Variants in ERC2 observed in about 807,000 individuals in gnomAD.
ERC2 encodes the protein ELKS/RAB6-interacting/CAST family member 2, also known as ERC protein 2.
Under a neutral mutation model 114.8 loss-of-function variants are expected in ERC2, and 42 were observed. The ratio of observed to expected loss-of-function variants is 0.37; its 90% CI spans 0.29 to 0.47. ERC2 has a LOEUF of 0.47. Ranked by LOEUF, ERC2 falls within the 20% of genes least tolerant of loss-of-function variation. The probability of loss-of-function intolerance (pLI) is 0.99; values close to 1 mark genes in which losing one functional copy is unlikely to be tolerated. For synonymous variants in ERC2, 454 were observed against 425.5 expected, an observed-to-expected ratio of 1.07 and a Z score of -0.82; for missense variants, 939 against 1,150.7, an observed-to-expected ratio of 0.82 and a Z score of 2.66.
At chr3:56,415,979 T>A (rs2061137530) in intron 2 of ERC2, among the ~76,000 whole-genome samples, 1 of 152,204 alleles carries the variant, frequency 6.6e-6, no homozygotes. Context: ...CACTCTTAAT[T>A]TTCCTGAAAA....
intron 17 of ERC2, among the ~76,000 whole-genome samples, chr3:55,520,242 C>G (rs1379079661): frequency 1.3e-5 from 2 of 151,688 alleles, no homozygotes; most frequent in Admixed American, 1.3e-4. Flanking sequence ...GGCCTGAGAG[C>G]CTGGCCAACG....
At chr3:55,532,218 C>T (rs1002305085) in intron 17 of ERC2, among the ~76,000 whole-genome samples, 2 of 152,172 alleles carry the variant, frequency 1.3e-5, no homozygotes, top group African/African-American at 2.4e-5. Context: ...GACCTGCATC[C>T]TTGTCCCAGC....
chr3:56,394,076 C>A (rs2060220795), intron 2 of ERC2, among the ~76,000 whole-genome samples: 1 of 152,168 alleles, frequency 6.6e-6, no homozygotes, highest in Non-Finnish European at 1.5e-5. Context: ...ATAAGGGAGG[C>A]ATTCTCATGA....
chr3:55,576,960 T>G (rs72870485), intron 17 of ERC2, among the ~76,000 whole-genome samples: 5,574 of 152,340 alleles, frequency 0.037, 130 homozygotes, highest in South Asian at 0.09. Flanking sequence ...TGCCGTGCTC[T>G]GTCTTAGACA....
At chr3:56,460,345 T>C (rs949216934) in intron 1 of ERC2, among the ~76,000 whole-genome samples, 4 of 152,234 alleles carry the variant, frequency 2.6e-5, no homozygotes, top group Non-Finnish European at 5.9e-5. Context: ...GGATTCAAAC[T>C]CTGGCTCTGC....
chr3:56,346,359 A>C (rs2058306625), intron 2 of ERC2, among the ~76,000 whole-genome samples: 1 of 152,190 alleles, frequency 6.6e-6, no homozygotes. Context: ...AATAATATTT[A>C]TCATATCACA....
At chr3:56,320,078 TG>T (rs1258316212) in intron 2 of ERC2, among the ~76,000 whole-genome samples, 1 of 151,350 alleles carries the variant, frequency 6.6e-6, no homozygotes, top group East Asian at 1.9e-4. Context: ...AAACCAGGAG[TG>T]GTTCAGGAGT....
At chr3:55,950,370 C>A in intron 13 of ERC2, 55 bp downstream of exon 13, 1 of 1,598,800 alleles carries the variant, frequency 6.3e-7, no homozygotes, top group Non-Finnish European at 8.5e-7. Flanking sequence ...GGTGACATTT[C>A]TGAGAGAGTC....
intron 13 of ERC2, among the ~76,000 whole-genome samples, chr3:55,949,476 T>C (rs1374667514): frequency 2.6e-5 from 4 of 152,088 alleles, no homozygotes. Flanking sequence ...CCAGAAGGCA[T>C]GTCTAGGACA....
intron 2 of ERC2, among the ~76,000 whole-genome samples, chr3:56,319,609 G>A (rs1215572144): frequency 2.0e-5 from 3 of 152,034 alleles, no homozygotes; most frequent in Admixed American, 6.6e-5. Context: ...AATTTATGAA[G>A]GGGGTAGATT....
At chr3:55,968,878 T>C (rs1444775814) in intron 12 of ERC2, among the ~76,000 whole-genome samples, 1 of 152,180 alleles carries the variant, frequency 6.6e-6, no homozygotes, top group African/African-American at 2.4e-5. Context: ...TTTAAAAAAA[T>C]ACCAATGGCT....
At chr3:56,015,851 C>T (rs1246741513) in intron 8 of ERC2, among the ~76,000 whole-genome samples, 1 of 152,100 alleles carries the variant, frequency 6.6e-6, no homozygotes, top group Admixed American at 6.6e-5. Context: ...CTTTTTCTGC[C>T]CAGCCTCACC....
intron 7 of ERC2, among the ~76,000 whole-genome samples, chr3:56,033,062 AAGAAAG>A (rs1340288653): frequency 1.4e-5 from 2 of 146,484 alleles, no homozygotes; most frequent in Non-Finnish European, 3.1e-5. Flanking sequence ...GAAAGAAAGA[AAGAAAG>A]AAAGAAAGAA....
Position 55,536,380 on chromosome 3 carries a change from C to T in ERC2, c.*40-25104G>A, listed in dbSNP as rs573661251. On this transcript the variant is annotated intron_variant, in intron 17 of 17. Coordinates refer to ENST00000288221, the MANE Select transcript of ERC2 (RefSeq NM_015576.3). ...CTCCCCAACCCTGAGACTTCCCAGA[C>T]GTAGCTGTGCGGTCCTCCCAGCTGG... Among the ~76,000 whole-genome samples the T allele has an allele frequency of 1.1e-4, 16 of 152,296 alleles. No individual in the cohort carries two copies. The South Asian group carries it at 2.9e-3, about 28-fold the overall frequency.
chr3:56,133,773 A>T (rs935175042), intron 6 of ERC2, among the ~76,000 whole-genome samples: 2 of 152,248 alleles, frequency 1.3e-5, no homozygotes, highest in African/African-American at 4.8e-5. Flanking sequence ...ATAAAATTAC[A>T]TTTAAAAGGC....
At chr3:56,400,396 T>A (rs1053694584) in intron 2 of ERC2, among the ~76,000 whole-genome samples, 6 of 152,172 alleles carry the variant, frequency 3.9e-5, no homozygotes, top group African/African-American at 1.2e-4. Flanking sequence ...ATTTTTCTAG[T>A]ACATGCCAAA....
At chr3:55,598,837 G>A (rs1378604658) in intron 17 of ERC2, among the ~76,000 whole-genome samples, 2 of 152,194 alleles carry the variant, frequency 1.3e-5, no homozygotes, top group Non-Finnish European at 2.9e-5. Flanking sequence ...GATTGTCTGG[G>A]GAACATTCTT....
intron 4 of ERC2, among the ~76,000 whole-genome samples, chr3:56,163,069 T>C (rs2082138966): frequency 6.6e-6 from 1 of 152,148 alleles, no homozygotes. Context: ...CTTGTGTCTC[T>C]GTTTTCATGT....
chr3:55,723,224 G>A (rs941374493), intron 15 of ERC2, among the ~76,000 whole-genome samples: 1 of 152,168 alleles, frequency 6.6e-6, no homozygotes, highest in Non-Finnish European at 1.5e-5. Flanking sequence ...AGTATGTCAT[G>A]TCTTTGTTCA....
Sources: allele counts gnomAD v4.1 joint callset (sites outside exome capture counted in the v4.1 genomes callset), GRCh38; gene constraint gnomAD v4.1.1; transcripts MANE v1.5; gene names NCBI Gene and HGNC (gene_info 2026-07-23, HGNC 2026-07-21).